NINJ2: variants seen among roughly 807,000 people sequenced by gnomAD.
NINJ2 encodes ninjurin 2.
Under a neutral mutation model 11.7 loss-of-function variants are expected in NINJ2, and 12 were observed. The ratio of observed to expected loss-of-function variants is 1.02; its 90% CI spans 0.66 to 1.66. The LOEUF (loss-of-function observed/expected upper bound fraction) is 1.66. NINJ2 is among the 40% of genes most tolerant of loss of function. The pLI is 0.00. For missense variants in NINJ2, 187 were observed against 181.8 expected, an observed-to-expected ratio of 1.03 and a Z score of -0.16; for synonymous variants, 93 against 76.8, an observed-to-expected ratio of 1.21 and a Z score of -1.10.
intron 1 of NINJ2, among the ~76,000 whole-genome samples, chr12:646,918 T>C (rs1230703788): frequency 6.8e-6 from 1 of 148,060 alleles, no homozygotes. Flanking sequence ...TTTTCCATTC[T>C]CCTGGCGTGG....
At chr12:610,238 T>A in intron 1 of NINJ2, 2 of 892,376 alleles carry the variant, frequency 2.2e-6, no homozygotes, top group Non-Finnish European at 3.6e-6. Flanking sequence ...TCAATGCTTT[T>A]GCGTGAGTGA....
rs1321319501 is a variant in NINJ2 at position 580,421 on chromosome 12, C to T, written c.34-14243G>A. Among the ~76,000 whole-genome samples the T allele has an allele frequency of 6.6e-6, 1 of 152,050 alleles. No individual in the cohort carries two copies. Among genetic ancestry groups the T allele is most frequent in the East Asian group, 1.9e-4 (1 of 5,198 alleles). On this transcript the variant is annotated intron_variant, in intron 1 of 3. Transcript: ENST00000305108. The surrounding 1 kb of genome is among the most constrained non-coding windows in gnomAD (Gnocchi z 4.7). Reference sequence around the variant, plus strand: ...TGGGCAAAATGGTGAAACCCCATCTCTACTAAAAATACAAAAATTAGCCAG... The same window carrying T: ...TGGGCAAAATGGTGAAACCCCATCTTTACTAAAAATACAAAAATTAGCCAG...
At chr12:649,972 T>C (rs1937761850) in intron 1 of NINJ2, among the ~76,000 whole-genome samples, 1 of 152,202 alleles carries the variant, frequency 6.6e-6, no homozygotes, top group African/African-American at 2.4e-5. Context: ...TTCTTCATTA[T>C]TGGACTCCCC....
At chr12:622,715 C>G (rs1421515472) in intron 1 of NINJ2, among the ~76,000 whole-genome samples, 1 of 152,058 alleles carries the variant, frequency 6.6e-6, no homozygotes, top group East Asian at 1.9e-4. Flanking sequence ...CAGACCCTTT[C>G]AGAATCTGAT....
intron 1 of NINJ2, among the ~76,000 whole-genome samples, chr12:569,779 T>C (rs1452648465): frequency 2.0e-5 from 3 of 152,220 alleles, no homozygotes; most frequent in East Asian, 1.9e-4. Flanking sequence ...CTGAGAGCCA[T>C]TGCTTCACAG....
At chr12:601,352 C>T (rs188757273) in intron 1 of NINJ2, among the ~76,000 whole-genome samples, 6 of 148,818 alleles carry the variant, frequency 4.0e-5, no homozygotes, top group East Asian at 2.0e-4. Flanking sequence ...CGAGACCATC[C>T]TGGCTAACAC....
chr12:603,495 G>C (rs541253014), intron 1 of NINJ2, among the ~76,000 whole-genome samples: 9 of 152,042 alleles, frequency 5.9e-5, no homozygotes, highest in African/African-American at 2.2e-4. Context: ...CCTGCATGAC[G>C]GTTTACTTAC....
intron 1 of NINJ2, among the ~76,000 whole-genome samples, chr12:646,529 G>T (rs908064206): frequency 6.6e-6 from 1 of 152,140 alleles, no homozygotes; most frequent in Non-Finnish European, 1.5e-5. Flanking sequence ...AAATTACGTA[G>T]ATCACCGTGA....
Position 585,619 on chromosome 12 carries a change from G to A in NINJ2, c.34-19441C>T, listed in dbSNP as rs1251249819. Among the ~76,000 whole-genome samples, 4 of 152,210 alleles carry A rather than the reference G, an allele frequency of 2.6e-5. No individual in the cohort carries two copies. The highest frequency in any genetic ancestry group is 5.9e-5 in the Non-Finnish European group (4 of 68,040). On this transcript the variant is annotated intron_variant, in intron 1 of 3. Coordinates refer to ENST00000305108, the MANE Select transcript of NINJ2 (RefSeq NM_016533.6). This position sits in a 1 kb window ranked among gnomAD's most constrained non-coding sequence, Gnocchi z 4.1. Reference sequence around the variant, plus strand: ...TGTGTTGCACCCTGGCCTGCTCTGCGGATGAGTCAGCAGCATCGATTAAGC... The same window carrying A: ...TGTGTTGCACCCTGGCCTGCTCTGCAGATGAGTCAGCAGCATCGATTAAGC...
chr12:565,648 AG>A (rs1947286492), intron 2 of NINJ2: 19 of 611,342 alleles, frequency 3.1e-5, no homozygotes, highest in Non-Finnish European at 4.4e-5. Flanking sequence ...CGTGGGGACG[AG>A]TGCTCATGGA....
At position 605,735 on chromosome 12, in the gene NINJ2, T is replaced by G. The variant is rs376830161; in HGVS notation, c.34-39557A>C. 7.2e-5 allele frequency among the ~76,000 whole-genome samples: 11 copies of G among 152,072 alleles called. No individual in the cohort carries two copies. In the East Asian group the frequency reaches 1.2e-3, roughly 16 times the overall value. ...ACCTGGAAGATGAGGGGTTTTGGGG[T>G]TTGTTTTTCGAATGGGTTCTATATT... On this transcript the variant is annotated intron_variant, in intron 1 of 3. Coordinates refer to ENST00000305108, the MANE Select transcript of NINJ2 (RefSeq NM_016533.6).
At chr12:651,722 G>A (rs1937788939) in intron 1 of NINJ2, among the ~76,000 whole-genome samples, 2 of 152,230 alleles carry the variant, frequency 1.3e-5, no homozygotes. Context: ...CGCAAGAAGA[G>A]ATGGGCAACG....
intron 1 of NINJ2, among the ~76,000 whole-genome samples, chr12:578,565 A>G (rs1210690796): frequency 6.6e-6 from 1 of 152,140 alleles, no homozygotes; most frequent in Admixed American, 6.5e-5. Context: ...GGATCCTCTC[A>G]TCTTGCACCC....
At chr12:583,792 C>G (rs1269242696) in intron 1 of NINJ2, among the ~76,000 whole-genome samples, 1 of 152,198 alleles carries the variant, frequency 6.6e-6, no homozygotes, top group East Asian at 1.9e-4. Context: ...AGAACCAGGA[C>G]AGCGGAGTCG....
intron 1 of NINJ2, among the ~76,000 whole-genome samples, chr12:604,497 G>A (rs1224643655): frequency 1.3e-5 from 2 of 152,158 alleles, no homozygotes; most frequent in East Asian, 3.9e-4. Context: ...AATTAGCCGG[G>A]CGTGGTGGTG....
Position 616,570 on chromosome 12 carries a change from A to T in NINJ2, c.33+46758T>A, listed in dbSNP as rs138453275. Among the ~76,000 whole-genome samples, 84 of 152,356 alleles carry T rather than the reference A, an allele frequency of 5.5e-4. No individual in the cohort carries two copies. In the Middle Eastern group the frequency reaches 0.027, roughly 49 times the overall value. On this transcript the variant is annotated intron_variant, in intron 1 of 3. Coordinates refer to ENST00000305108, the MANE Select transcript of NINJ2 (RefSeq NM_016533.6). Reference sequence around the variant, plus strand: ...CTGGTCCCAGGGTAATGACGGTGACAGTGCTGCAGGTTGCAGGAAACCCAC... The same window carrying T: ...CTGGTCCCAGGGTAATGACGGTGACTGTGCTGCAGGTTGCAGGAAACCCAC...
intron 1 of NINJ2, among the ~76,000 whole-genome samples, chr12:617,654 G>A (rs1258923015): frequency 1.3e-5 from 2 of 152,210 alleles, no homozygotes; most frequent in Non-Finnish European, 2.9e-5. Context: ...GGCTGGCTGA[G>A]CACTCCCAGC....
In NINJ2 at chr12:565,388, C is replaced by G. The variant is rs534903123; in HGVS notation, c.276G>C (p.Leu92=). The G allele has an allele frequency of 6.8e-6, 11 of 1,613,940 alleles. No individual in the cohort carries two copies. The highest frequency in any genetic ancestry group is 9.3e-6 in the Non-Finnish European group (11 of 1,179,990). The change falls in exon 3 of 4, where the codon CTG becomes CTC. Residue 92 remains leucine, a synonymous_variant. Transcript: ENST00000305108. Reference sequence around the variant, plus strand: ...GTCGCCACTGCTTTTCTACCTCATTCAGGTTCAGCCGTGCTGCAGGGAAGT... The same window carrying G: ...GTCGCCACTGCTTTTCTACCTCATTGAGGTTCAGCCGTGCTGCAGGGAAGT... ...VLLVVIARLN[L]NEVEKQWRLN...
chr12:607,177 C>G (rs1285369339), intron 1 of NINJ2, among the ~76,000 whole-genome samples: 5 of 152,012 alleles, frequency 3.3e-5, no homozygotes, highest in African/African-American at 1.2e-4. Context: ...AACCTCAGGC[C>G]TCCCCCAGAT....
Sources: gnomAD v4.1 joint callset for allele counts (sites outside exome capture counted in the v4.1 genomes callset) on GRCh38, gnomAD v4.1.1 for gene constraint, Gnocchi (gnomAD v3.1) non-coding constraint, MANE v1.5 for transcripts, NCBI Gene and HGNC (gene_info 2026-07-23, HGNC 2026-07-21) for gene names.